Variants in CDC14A observed in about 807,000 individuals in gnomAD.
CDC14A encodes the protein dual specificity protein phosphatase CDC14A.
CDC14A carries 53 observed loss-of-function variants against 74.4 expected under a neutral mutation model. That is an observed-to-expected ratio of 0.71 (90% confidence interval 0.57 to 0.89). The LOEUF is 0.89. Ranked by LOEUF, CDC14A falls within the 40% of genes least tolerant of loss-of-function variation. The pLI, the probability that CDC14A is intolerant of heterozygous loss-of-function variation, is 0.00. For missense variants in CDC14A, 646 were observed against 713.7 expected (o/e 0.91, Z 1.08); for synonymous variants, 247 against 258.4 (o/e 0.96, Z 0.43).
intron 3 of CDC14A, among the ~76,000 whole-genome samples, chr1:100,386,225 G>A (rs1205268958): frequency 6.6e-6 from 1 of 152,062 alleles, no homozygotes; most frequent in Non-Finnish European, 1.5e-5. Context: ...AAAACATAAG[G>A]TGGATAGTGG....
At position 100,412,069 on chromosome 1, in the gene CDC14A, C is replaced by T. The variant is rs141735447; in HGVS notation, c.310-12153C>T. Among the ~76,000 whole-genome samples, 157 of 152,322 alleles carry T rather than the reference C, an allele frequency of 1.0e-3. 1 individual carries two copies. The Middle Eastern group carries it at 0.037, about 36-fold the overall frequency. On this transcript the variant is annotated intron_variant, in intron 4 of 15. Coordinates refer to ENST00000336454, the MANE Select transcript of CDC14A (RefSeq NM_003672.4). ...ATAATGCAGGCGATGAGGCCAAAGTCTCTGCTAGGGCTTGTATGTGAGAGC... is the reference window on the plus strand; with the variant it reads ...ATAATGCAGGCGATGAGGCCAAAGTTTCTGCTAGGGCTTGTATGTGAGAGC...
At chr1:100,429,985 G>A (rs1663460274) in intron 5 of CDC14A, among the ~76,000 whole-genome samples, 1 of 151,852 alleles carries the variant, frequency 6.6e-6, no homozygotes, top group Admixed American at 6.6e-5. Flanking sequence ...CTCAAATCCT[G>A]TGTAGTTGGG....
At chr1:100,370,444 A>G (rs905487082) in intron 2 of CDC14A, among the ~76,000 whole-genome samples, 1 of 152,032 alleles carries the variant, frequency 6.6e-6, no homozygotes, top group Admixed American at 6.6e-5. Context: ...TTAGTTTGAG[A>G]TCTTACATTT....
At chr1:100,491,635 G>A (rs1360726480) in intron 11 of CDC14A, among the ~76,000 whole-genome samples, 2 of 131,626 alleles carry the variant, frequency 1.5e-5, no homozygotes, top group South Asian at 2.4e-4. Flanking sequence ...GCAGTGGTGC[G>A]ATCTAGGCTC....
intron 3 of CDC14A, among the ~76,000 whole-genome samples, chr1:100,378,681 A>G (rs1321924296): frequency 2.0e-5 from 3 of 152,236 alleles, no homozygotes; most frequent in African/African-American, 4.8e-5. Context: ...ATCATATAAC[A>G]TATTAGGTTG....
intron 15 of CDC14A, among the ~76,000 whole-genome samples, chr1:100,513,280 T>C (rs1272461675): frequency 6.6e-6 from 1 of 152,222 alleles, no homozygotes; most frequent in Non-Finnish European, 1.5e-5. Context: ...GTATATAAAA[T>C]ACCATGTTGC....
At chr1:100,484,767 G>A (rs1669861988) in intron 11 of CDC14A, 6 of 993,730 alleles carry the variant, frequency 6.0e-6, no homozygotes, top group Non-Finnish European at 7.2e-6. Flanking sequence ...AAATTTTAAT[G>A]TGACAATTGA....
At position 100,415,444 on chromosome 1, in the gene CDC14A, A is replaced by C. The variant is rs527956595; in HGVS notation, c.310-8778A>C. 2.0e-5 allele frequency among the ~76,000 whole-genome samples: 3 copies of C among 152,324 alleles called. No homozygotes were observed. In the East Asian group the frequency reaches 5.8e-4, roughly 29 times the overall value. Reference sequence around the variant, plus strand: ...ATACTGAAAATTGTTAAGTATTTTTAGGGTAGAAATAAGTGATGTCTATAG... The same window carrying C: ...ATACTGAAAATTGTTAAGTATTTTTCGGGTAGAAATAAGTGATGTCTATAG... On this transcript the variant is annotated intron_variant, in intron 4 of 15. Transcript: ENST00000336454.
chr1:100,355,662 T>C (rs1013278466), intron 2 of CDC14A, among the ~76,000 whole-genome samples: 3 of 152,232 alleles, frequency 2.0e-5, no homozygotes, highest in Non-Finnish European at 4.4e-5. Context: ...GTACTTTTCT[T>C]AGTTTGAACT....
intron 4 of CDC14A, 113 bp from the exon 5 acceptor site, chr1:100,424,109 C>T: frequency 1.3e-6 from 1 of 773,130 alleles, no homozygotes. Flanking sequence ...AAGATCAACA[C>T]TATCACCGTA....
At chr1:100,387,141 G>T (rs17122362) in intron 3 of CDC14A, among the ~76,000 whole-genome samples, 2,321 of 152,186 alleles carry the variant, frequency 0.015, 63 homozygotes, top group African/African-American at 0.053. Context: ...ATCACTGGTA[G>T]AAAACTGTGG....
intron 4 of CDC14A, among the ~76,000 whole-genome samples, chr1:100,411,259 C>T (rs1437947060): frequency 6.6e-6 from 1 of 152,176 alleles, no homozygotes; most frequent in African/African-American, 2.4e-5. Flanking sequence ...CAAGGGAACA[C>T]TGTTGTGTGA....
intron 10 of CDC14A, among the ~76,000 whole-genome samples, chr1:100,478,943 G>C (rs541588801): frequency 1.3e-5 from 2 of 152,290 alleles, no homozygotes; most frequent in East Asian, 3.9e-4. Context: ...TGAGACCTGA[G>C]AGTGTGCATT....
intron 11 of CDC14A, chr1:100,485,226 TTG>T: frequency 1.0e-6 from 1 of 985,318 alleles, no homozygotes; most frequent in Non-Finnish European, 1.2e-6. Flanking sequence ...CCCAGAAAAT[TTG>T]TGATTTGTGT....
intron 4 of CDC14A, among the ~76,000 whole-genome samples, chr1:100,408,839 T>C (rs1252372432): frequency 6.6e-6 from 1 of 152,204 alleles, no homozygotes; most frequent in African/African-American, 2.4e-5. Context: ...ATTTATAATT[T>C]CTTTATGTTG....
intron 10 of CDC14A, among the ~76,000 whole-genome samples, chr1:100,468,498 C>G (rs1668067741): frequency 1.3e-5 from 2 of 152,024 alleles, no homozygotes; most frequent in African/African-American, 2.4e-5. Context: ...GATTGCTGCT[C>G]TCCTGACAAC....
intron 7 of CDC14A, among the ~76,000 whole-genome samples, chr1:100,454,616 A>G (rs1405172570): frequency 6.6e-6 from 1 of 152,178 alleles, no homozygotes; most frequent in Non-Finnish European, 1.5e-5. Flanking sequence ...TTTAGACTAG[A>G]GGCTGATAAC....
chr1:100,382,390 A>ATTTTTTTT (rs59014809), intron 3 of CDC14A, among the ~76,000 whole-genome samples: 1 of 115,284 alleles, frequency 8.7e-6, no homozygotes, highest in African/African-American at 3.2e-5. Flanking sequence ...CCAGCTAACT[A>ATTTTTTTT]TTTTTTTTTT....
chr1:100,369,012 G>A lies in CDC14A; in HGVS notation c.141-8534G>A, dbSNP rs532033495. 1.4e-4 allele frequency among the ~76,000 whole-genome samples: 21 copies of A among 151,900 alleles called. No individual in the cohort carries two copies. The South Asian group carries it at 4.1e-3, about 30-fold the overall frequency. On this transcript the variant is annotated intron_variant, in intron 2 of 15. Transcript: ENST00000336454. ...AGTTTTTTTGAGAAATCTCCAAACT[G>A]CTTTTCACAGTGGCTGGACTAATTT...
Sources: gnomAD v4.1 joint callset for allele counts (sites outside exome capture counted in the v4.1 genomes callset) on GRCh38, gnomAD v4.1.1 for gene constraint, MANE v1.5 for transcripts, NCBI Gene and HGNC (gene_info 2026-07-23, HGNC 2026-07-21) for gene names.